The following CAPN8 variants were observed in gnomAD, a reference collection of about 807,000 sequenced individuals.
CAPN8 encodes the protein calpain 8, also known as calpain-8.
Under a neutral mutation model 80.9 loss-of-function variants are expected in CAPN8, and 87 were observed. The observed-to-expected ratio is 1.07, with a 90% CI of 0.90 to 1.28. The LOEUF (loss-of-function observed/expected upper bound fraction) is 1.28. Ranked by LOEUF, CAPN8 falls within the 50% of genes most tolerant of loss-of-function variation. CAPN8 has a pLI of 0.00. For missense variants in CAPN8, 757 were observed against 702.0 expected, an observed-to-expected ratio of 1.08 and a Z score of -0.89; for synonymous variants, 299 against 273.8, an observed-to-expected ratio of 1.09 and a Z score of -0.91.
At chr1:223,642,031 C>A (rs1006982554) in intron 2 of CAPN8, among the ~76,000 whole-genome samples, 5 of 152,164 alleles carry the variant, frequency 3.3e-5, no homozygotes, top group African/African-American at 1.2e-4. Context: ...ACCTGGCACA[C>A]CTTACTAGAA....
At chr1:223,651,791 G>A (rs1658348926) in intron 2 of CAPN8, among the ~76,000 whole-genome samples, 1 of 152,236 alleles carries the variant, frequency 6.6e-6, no homozygotes, top group Admixed American at 6.5e-5. Context: ...GTTATGGAAA[G>A]ATCCCCCAAA....
intron 7 of CAPN8, 123 bp from the exon 8 acceptor site, chr1:223,620,389 A>T: frequency 1.2e-6 from 1 of 808,046 alleles, no homozygotes; most frequent in South Asian, 1.6e-5. Flanking sequence ...CTGCAGGCAG[A>T]CAGAAAGGCA....
intron 2 of CAPN8, among the ~76,000 whole-genome samples, chr1:223,633,467 G>A (rs1657830954): frequency 6.6e-6 from 1 of 151,594 alleles, no homozygotes; most frequent in Non-Finnish European, 1.5e-5. Context: ...TTCAAGACCA[G>A]CCTGGTCAAC....
At chr1:223,624,891 G>A (rs1258665399) in intron 6 of CAPN8, among the ~76,000 whole-genome samples, 9 of 152,040 alleles carry the variant, frequency 5.9e-5, no homozygotes, top group East Asian at 3.9e-4. Context: ...TCAGGAAATC[G>A]AGACCATCCT....
intron 20 of CAPN8, 120 bp downstream of exon 20, chr1:223,542,988 T>G (rs1330490003): frequency 4.6e-6 from 5 of 1,087,144 alleles, no homozygotes; most frequent in Non-Finnish European, 6.7e-6. Context: ...CCACAGAACA[T>G]GCATGGTATT....
chr1:223,621,409 C>T (rs965097963), intron 7 of CAPN8, among the ~76,000 whole-genome samples: 1 of 152,108 alleles, frequency 6.6e-6, no homozygotes, highest in Non-Finnish European at 1.5e-5. Context: ...CACCACCTCC[C>T]GCCTGCCAGG....
chr1:223,545,018 G>A (rs1656581960), intron 17 of CAPN8, 168 bp from the exon 18 acceptor site: 1 of 1,417,756 alleles, frequency 7.1e-7, no homozygotes, highest in African/African-American at 1.4e-5. Context: ...CTTGGCCAGT[G>A]CTGGCCCCTT....
At chr1:223,553,000 A>C (rs1427160179) in intron 14 of CAPN8, among the ~76,000 whole-genome samples, 1 of 152,172 alleles carries the variant, frequency 6.6e-6, no homozygotes, top group African/African-American at 2.4e-5. Context: ...AACTGTTCCC[A>C]GGTTTTATTT....
intron 1 of CAPN8, among the ~76,000 whole-genome samples, chr1:223,657,333 A>T (rs971949362): frequency 2.0e-5 from 3 of 152,206 alleles, no homozygotes; most frequent in African/African-American, 7.2e-5. Flanking sequence ...TAGAGTAATA[A>T]GTAAAAAGAA....
intron 13 of CAPN8, among the ~76,000 whole-genome samples, chr1:223,555,916 A>C (rs1656896301): frequency 6.6e-6 from 1 of 152,226 alleles, no homozygotes; most frequent in Non-Finnish European, 1.5e-5. Flanking sequence ...TGCAATGGTG[A>C]ACAAGGCGTA....
intron 14 of CAPN8, among the ~76,000 whole-genome samples, chr1:223,553,201 G>C (rs1656835547): frequency 6.6e-6 from 1 of 152,112 alleles, no homozygotes; most frequent in Non-Finnish European, 1.5e-5. Context: ...TTCAAGTCCT[G>C]GTTATGCTTT....
chr1:223,555,324 C>T (rs1188584465), intron 13 of CAPN8, among the ~76,000 whole-genome samples: 1 of 152,202 alleles, frequency 6.6e-6, no homozygotes, highest in Non-Finnish European at 1.5e-5. Context: ...TGCACTTCTC[C>T]ACCACCCTCT....
intron 2 of CAPN8, among the ~76,000 whole-genome samples, chr1:223,640,458 A>G (rs1375100118): frequency 3.9e-5 from 6 of 152,166 alleles, no homozygotes. Flanking sequence ...TCTGTTTGGT[A>G]TAGGACTCAG....
Position 223,549,300 on chromosome 1 carries a change from G to A in CAPN8, c.1764+18C>T. 3 of 1,544,178 alleles carry A rather than the reference G, an allele frequency of 1.9e-6. No homozygotes were observed. Among genetic ancestry groups the A allele is most frequent in the Non-Finnish European group, 2.6e-6 (3 of 1,144,340 alleles). On this transcript the variant is annotated intron_variant, in intron 16 of 20. Coordinates refer to ENST00000366872, the MANE Select transcript of CAPN8 (RefSeq NM_001143962.2). ...ACGAAAGTAAAAAAAAAAAAATAAT[G>A]CAACATTTAAAGGATACATCCAACA...
rs1230543439 is a variant in CAPN8 at position 223,665,506 on chromosome 1, C to T, written c.141G>A (p.Lys47=). ...ATGGACATGCTGGGAACTCAGGGTC[C>T]TTAAATAGGACCCCTGAGTCCAAGC... ...QQCLDSGVLF[K]DPEFPACPSA... is the part of the protein sequence containing the mutation. The change falls in exon 1 of 21, where the codon AAG becomes AAA. Residue 47 remains lysine, a synonymous_variant. Coordinates refer to ENST00000366872, the MANE Select transcript of CAPN8 (RefSeq NM_001143962.2). 1 of 1,551,788 alleles carries T rather than the reference C, an allele frequency of 6.4e-7. No homozygotes were observed. The highest frequency in any genetic ancestry group is 2.4e-5 in the East Asian group (1 of 40,908).
In CAPN8 at chr1:223,620,206, C is replaced by T; in HGVS notation, c.960G>A (p.Glu320=). The T allele has an allele frequency of 6.4e-7, 1 of 1,551,644 alleles. No individual in the cohort carries two copies. The highest frequency in any genetic ancestry group is 2.4e-5 in the East Asian group (1 of 40,912). The change falls in exon 8 of 21, where the codon GAG becomes GAA. Residue 320 remains glutamate (E), a synonymous_variant. Transcript: ENST00000366872. ...AACTCTCTCACCAGAATTCTCCATC[C>T]TCAACTTTCTTGTCCAGTTCTTCCT... is the stretch of plus-strand genomic sequence containing the variant. The part of the protein sequence containing the change: ...RRKEELDKKV[E]DGEFWMSLSD...
At chr1:223,657,298 G>T (rs2102738326) in intron 1 of CAPN8, among the ~76,000 whole-genome samples, 1 of 151,986 alleles carries the variant, frequency 6.6e-6, no homozygotes, top group Admixed American at 6.6e-5. Flanking sequence ...TCATTTTTTG[G>T]CAAATAAAAG....
intron 16 of CAPN8, 41 bp downstream of exon 16, chr1:223,549,277 G>T: frequency 6.6e-7 from 1 of 1,521,164 alleles, no homozygotes; most frequent in South Asian, 1.2e-5. Context: ...AAAACCGGAC[G>T]AAAGTAAAAA....
chr1:223,618,173 A>C, intron 9 of CAPN8: 1 of 1,515,222 alleles, frequency 6.6e-7, no homozygotes, highest in Non-Finnish European at 9.0e-7. Flanking sequence ...GGAGGTGAAA[A>C]GTAGAGAGAG....
Sources: allele counts gnomAD v4.1 joint callset (sites outside exome capture counted in the v4.1 genomes callset), GRCh38; gene constraint gnomAD v4.1.1; transcripts MANE v1.5; gene names NCBI Gene and HGNC (gene_info 2026-07-23, HGNC 2026-07-21).